Variants in GALNT13 observed in about 807,000 individuals in gnomAD.
GALNT13 encodes the protein polypeptide N-acetylgalactosaminyltransferase 13, also known as UDP-GalNAc:polypeptide N-acetylgalactosaminyltransferase 13.
GALNT13 carries 28 observed loss-of-function variants against 64.2 expected under a neutral mutation model. That is an observed-to-expected ratio of 0.44 (90% CI 0.32 to 0.60). GALNT13 has a LOEUF of 0.60. Among genes scored for constraint, GALNT13 ranks in the 20% least tolerant of loss-of-function variants. The pLI, the probability that GALNT13 is intolerant of heterozygous loss-of-function variation, is 0.05. For synonymous variants in GALNT13, 214 were observed against 224.6 expected, an observed-to-expected ratio of 0.95 and a Z score of 0.42; for missense variants, 577 against 669.8, an observed-to-expected ratio of 0.86 and a Z score of 1.53.
the GALNT13 span, among the ~76,000 whole-genome samples, chr2:153,112,295 TC>T: frequency 6.6e-6 from 1 of 152,262 alleles, no homozygotes; most frequent in African/African-American, 2.4e-5. Context: ...GCTCTACTCA[TC>T]CTAATGAAGG....
At chr2:154,033,970 A>C (rs984554645) in intron 3 of GALNT13, among the ~76,000 whole-genome samples, 1 of 151,988 alleles carries the variant, frequency 6.6e-6, no homozygotes, top group East Asian at 1.9e-4. Flanking sequence ...AACAAAAAAA[A>C]CCCTGAGTGC....
chr2:153,472,415 A>G, the GALNT13 span, among the ~76,000 whole-genome samples: 1 of 152,158 alleles, frequency 6.6e-6, no homozygotes, highest in Non-Finnish European at 1.5e-5. Flanking sequence ...TAGAGTATAT[A>G]CCTTCCCTTA....
chr2:154,129,609 CTTTTA>C (rs978440516), intron 3 of GALNT13, among the ~76,000 whole-genome samples: 95 of 151,962 alleles, frequency 6.3e-4, no homozygotes, highest in African/African-American at 2.1e-3. Flanking sequence ...AAATGAAACA[CTTTTA>C]TTTTATTTTT....
the GALNT13 span, among the ~76,000 whole-genome samples, chr2:153,397,367 T>A: frequency 3.9e-5 from 6 of 152,094 alleles, no homozygotes; most frequent in Admixed American, 6.6e-5. Flanking sequence ...GTTCTATGCC[T>A]TAATGCAGAC....
At chr2:154,199,078 G>T (rs1326310417) in intron 4 of GALNT13, among the ~76,000 whole-genome samples, 2 of 151,856 alleles carry the variant, frequency 1.3e-5, no homozygotes, top group East Asian at 3.9e-4. Context: ...TCAGGGTGGG[G>T]AACTTGATCA....
At chr2:153,593,397 C>T in the GALNT13 span, 1 of 152,236 alleles carries the variant, frequency 6.6e-6, no homozygotes, top group Admixed American at 6.6e-5. Flanking sequence ...GGAATCTCAC[C>T]CCCATCCCCC....
chr2:153,115,259 T>A, the GALNT13 span, among the ~76,000 whole-genome samples: 1 of 152,154 alleles, frequency 6.6e-6, no homozygotes, highest in Admixed American at 6.6e-5. Context: ...ACTTGGAAAT[T>A]TTCCATATCC....
chr2:154,025,244 C>T (rs896913407), intron 3 of GALNT13, among the ~76,000 whole-genome samples: 4 of 152,118 alleles, frequency 2.6e-5, no homozygotes, highest in African/African-American at 4.8e-5. Flanking sequence ...AGAAATCACC[C>T]GTCTTCTGCG....
intron 4 of GALNT13, among the ~76,000 whole-genome samples, chr2:154,175,061 T>C (rs1416844895): frequency 6.6e-6 from 1 of 152,146 alleles, no homozygotes; most frequent in African/African-American, 2.4e-5. Flanking sequence ...TAATGCATAA[T>C]ATTCCCTATC....
intron 4 of GALNT13, among the ~76,000 whole-genome samples, chr2:154,211,629 C>CAAAAAAAAAAAAAAAAAAAAA (rs140095331): frequency 3.2e-4 from 12 of 37,952 alleles, no homozygotes; most frequent in Admixed American, 4.8e-4. Context: ...ACTCCATCTC[C>CAAAAAAAAAAAAAAAAAAAAA]AAAAAAAAAA....
chr2:153,767,371 C>A, the GALNT13 span, among the ~76,000 whole-genome samples: 5 of 152,022 alleles, frequency 3.3e-5, no homozygotes, highest in African/African-American at 1.2e-4. Flanking sequence ...ACTTAGTTGG[C>A]TTAATGACTT....
Position 153,945,857 on chromosome 2 carries a change from C to T in GALNT13, c.142+1218C>T, listed in dbSNP as rs187566524. ...TAGAGAAATTCTGAATCTTCTGAAT[C>T]GCTTCCTTGTCTTTTAAAATGGAAC... is the stretch of plus-strand genomic sequence containing the variant. On this transcript the variant is annotated intron_variant, in intron 3 of 12. Transcript: ENST00000392825. 2.0e-3 allele frequency among the ~76,000 whole-genome samples: 299 copies of T among 152,230 alleles called. 1 individual carries two copies. Among genetic ancestry groups the T allele is most frequent in the African/African-American group, 7.0e-3 (291 of 41,564 alleles).
the GALNT13 span, among the ~76,000 whole-genome samples, chr2:153,373,455 A>C: frequency 6.6e-6 from 1 of 152,076 alleles, no homozygotes; most frequent in Non-Finnish European, 1.5e-5. Flanking sequence ...CATCTACCCA[A>C]CCTGGCCTCA....
intron 3 of GALNT13, among the ~76,000 whole-genome samples, chr2:154,033,864 G>C (rs188891816): frequency 1.3e-5 from 2 of 152,064 alleles, no homozygotes; most frequent in Non-Finnish European, 2.9e-5. Context: ...TCTTGAACCC[G>C]GGGGGTGGAG....
chr2:154,002,225 A>G (rs1352970047), intron 3 of GALNT13, among the ~76,000 whole-genome samples: 2 of 152,058 alleles, frequency 1.3e-5, no homozygotes, highest in African/African-American at 2.4e-5. Context: ...ATATTTGGAA[A>G]GTTTTCAGCC....
At chr2:154,335,382 A>C (rs1326270817) in intron 9 of GALNT13, among the ~76,000 whole-genome samples, 1 of 152,044 alleles carries the variant, frequency 6.6e-6, no homozygotes, top group Non-Finnish European at 1.5e-5. Context: ...TATCTAAAAT[A>C]ATGTCATTAT....
the GALNT13 span, among the ~76,000 whole-genome samples, chr2:153,530,745 G>A: frequency 2.0e-5 from 3 of 152,134 alleles, no homozygotes; most frequent in South Asian, 6.2e-4. Flanking sequence ...CACACCTACA[G>A]TAAACTTGTT....
At chr2:153,685,574 G>T in the GALNT13 span, among the ~76,000 whole-genome samples, 1 of 151,626 alleles carries the variant, frequency 6.6e-6, no homozygotes, top group South Asian at 2.1e-4. Flanking sequence ...GACCTGTGTT[G>T]GATGCATAGT....
At chr2:154,251,222 C>G (rs1435578829) in intron 7 of GALNT13, among the ~76,000 whole-genome samples, 3 of 151,990 alleles carry the variant, frequency 2.0e-5, no homozygotes, top group Non-Finnish European at 4.4e-5. Flanking sequence ...TTTATGACAT[C>G]TGATCCCAGC....
Sources: allele counts gnomAD v4.1 joint callset (sites outside exome capture counted in the v4.1 genomes callset), GRCh38; gene constraint gnomAD v4.1.1; transcripts MANE v1.5; gene names NCBI Gene and HGNC (gene_info 2026-07-23, HGNC 2026-07-21).